The following SORBS2 variants were observed in gnomAD, a reference collection of about 807,000 sequenced individuals.
The protein encoded by SORBS2 is sorbin and SH3 domain-containing protein 2.
Under a neutral mutation model 97.7 loss-of-function variants are expected in SORBS2, and 46 were observed. That is an observed-to-expected ratio of 0.47 (90% CI 0.37 to 0.60). The LOEUF is 0.60. Ranked by LOEUF, SORBS2 falls within the 20% of genes least tolerant of loss-of-function variation. SORBS2 has a pLI of 0.00. For synonymous variants in SORBS2, 476 were observed against 473.4 expected, an observed-to-expected ratio of 1.01 and a Z score of -0.07; for missense variants, 1,316 against 1,282.3, an observed-to-expected ratio of 1.03 and a Z score of -0.40.
chr4:185,688,540 A>T (rs567230871), intron 2 of SORBS2, among the ~76,000 whole-genome samples: 4 of 152,188 alleles, frequency 2.6e-5, no homozygotes, highest in African/African-American at 9.6e-5. Flanking sequence ...ATAGACAAAA[A>T]AGTCAGAAGA....
At chr4:185,638,047 T>G (rs547544901) in intron 4 of SORBS2, 32 bp downstream of exon 15, 1 of 1,289,486 alleles carries the variant, frequency 7.8e-7, no homozygotes, top group African/African-American at 1.5e-5. Flanking sequence ...ATACTCCTAG[T>G]TTTCTTATAT....
chr4:185,701,819 G>A (rs985172530), intron 2 of SORBS2, among the ~76,000 whole-genome samples: 1 of 151,736 alleles, frequency 6.6e-6, no homozygotes, highest in Non-Finnish European at 1.5e-5. Flanking sequence ...TGCCAGGCTG[G>A]AGTGCAAGTG....
chr4:185,637,766 T>C (rs2097045547), intron 4 of SORBS2, among the ~76,000 whole-genome samples: 1 of 152,050 alleles, frequency 6.6e-6, no homozygotes, highest in African/African-American at 2.4e-5. Context: ...TGTAAACAAA[T>C]ACAAATCTTC....
At chr4:185,625,249 G>A (rs2153425826) in intron 6 of SORBS2, among the ~76,000 whole-genome samples, 1 of 152,230 alleles carries the variant, frequency 6.6e-6, no homozygotes, top group African/African-American at 2.4e-5. Context: ...CATATACCAT[G>A]CTTTTTTTCT....
intron 2 of SORBS2, among the ~76,000 whole-genome samples, chr4:185,764,207 G>C (rs757871843): frequency 6.6e-6 from 1 of 152,108 alleles, no homozygotes. Context: ...CTGCTTGTCT[G>C]TTTTACTCAC....
At chr4:185,945,250 C>A (rs533104166) in intron 1 of SORBS2, among the ~76,000 whole-genome samples, 1 of 152,204 alleles carries the variant, frequency 6.6e-6, no homozygotes, top group South Asian at 2.1e-4. Context: ...GACAAGTTGA[C>A]CATTTTGAGA....
intron 1 of SORBS2, among the ~76,000 whole-genome samples, chr4:185,843,287 T>A (rs1034996428): frequency 6.6e-6 from 1 of 152,174 alleles, no homozygotes; most frequent in African/African-American, 2.4e-5. Context: ...GGACTGAGAT[T>A]GGGAACAAGG....
intron 1 of SORBS2, among the ~76,000 whole-genome samples, chr4:185,843,617 A>G (rs1374071253): frequency 2.6e-5 from 4 of 152,186 alleles, no homozygotes; most frequent in Non-Finnish European, 5.9e-5. Context: ...ATACTTAGAA[A>G]TAAATCTAAC....
At chr4:185,951,522 C>T (rs2099277214) in intron 1 of SORBS2, among the ~76,000 whole-genome samples, 1 of 152,168 alleles carries the variant, frequency 6.6e-6, no homozygotes, top group Non-Finnish European at 1.5e-5. Context: ...AACAGCCCTC[C>T]CTGACATTGC....
chr4:185,649,743 A>G (rs1362292357), intron 2 of SORBS2, 87 bp from the exon 12 acceptor site: 25 of 823,226 alleles, frequency 3.0e-5, no homozygotes, highest in Non-Finnish European at 3.8e-5. Flanking sequence ...CCCTCAAAAT[A>G]GCCAATGATT....
rs529586214 is a variant in SORBS2 at position 185,874,382 on chromosome 4, T to C, written c.-338+81814A>G. On this transcript the variant is annotated intron_variant, in intron 1 of 20. Transcript: ENST00000284776. ...ATGAAGGCGGTGAAATTACAGAGAATCTGTTCATTGGAATGCAAGCTTTCT... is the reference window on the plus strand; with the variant it reads ...ATGAAGGCGGTGAAATTACAGAGAACCTGTTCATTGGAATGCAAGCTTTCT... Among the ~76,000 whole-genome samples, 45 of 152,300 alleles carry C rather than the reference T, an allele frequency of 3.0e-4. No homozygotes were observed. In the East Asian group the frequency reaches 4.1e-3, roughly 14 times the overall value.
At chr4:185,749,912 C>T (rs1338035415) in intron 2 of SORBS2, among the ~76,000 whole-genome samples, 1 of 152,242 alleles carries the variant, frequency 6.6e-6, no homozygotes, top group Non-Finnish European at 1.5e-5. Context: ...TCCTGCTGCT[C>T]TGTCATGGGG....
At chr4:185,908,306 T>TTTGG (rs1554049957) in intron 1 of SORBS2, among the ~76,000 whole-genome samples, 1 of 110,298 alleles carries the variant, frequency 9.1e-6, no homozygotes, top group African/African-American at 3.8e-5. Flanking sequence ...TATATATATA[T>TTTGG]ATATATATAT....
intron 2 of SORBS2, among the ~76,000 whole-genome samples, chr4:185,709,304 CTTTT>C (rs70962587): frequency 1.0e-5 from 1 of 96,804 alleles, no homozygotes; most frequent in African/African-American, 4.1e-5. Context: ...CTGGCCAAAT[CTTTT>C]TTTTTTTTTT....
chr4:185,650,543 C>G (rs1011358831), intron 2 of SORBS2, among the ~76,000 whole-genome samples: 10 of 152,166 alleles, frequency 6.6e-5, no homozygotes, highest in Non-Finnish European at 2.9e-5. Flanking sequence ...GTTCCATTCA[C>G]TAATCACTAA....
intron 1 of SORBS2, among the ~76,000 whole-genome samples, chr4:185,817,277 A>T (rs912269336): frequency 1.3e-5 from 2 of 152,280 alleles, no homozygotes; most frequent in South Asian, 4.1e-4. Context: ...AGTCCCAAAC[A>T]TATAAATACA....
At chr4:185,838,839 C>T (rs1209568209) in intron 1 of SORBS2, among the ~76,000 whole-genome samples, 2 of 152,192 alleles carry the variant, frequency 1.3e-5, no homozygotes, top group African/African-American at 4.8e-5. Context: ...ATGGAACCTC[C>T]TGTCTCTGAT....
chr4:185,748,265 C>T (rs751884461), intron 2 of SORBS2, among the ~76,000 whole-genome samples: 12 of 152,120 alleles, frequency 7.9e-5, no homozygotes, highest in Admixed American at 2.6e-4. Context: ...CTCAGGGCCT[C>T]GGCGTGCGAG....
chr4:185,943,816 C>T (rs1412960519), intron 1 of SORBS2, among the ~76,000 whole-genome samples: 1 of 152,190 alleles, frequency 6.6e-6, no homozygotes, highest in Non-Finnish European at 1.5e-5. Flanking sequence ...TGCCCTTACT[C>T]TTGGGGTCTC....
Sources: gnomAD v4.1 joint callset for allele counts (sites outside exome capture counted in the v4.1 genomes callset) on GRCh38, gnomAD v4.1.1 for gene constraint, MANE v1.5 for transcripts, NCBI Gene and HGNC (gene_info 2026-07-23, HGNC 2026-07-21) for gene names.